TENM4: variants seen among roughly 807,000 people sequenced by gnomAD.
TENM4 encodes teneurin-4.
A neutral mutation model predicts 243.3 loss-of-function variants in TENM4; 82 were observed. The ratio of observed to expected loss-of-function variants is 0.34; its 90% CI spans 0.28 to 0.40. The LOEUF (loss-of-function observed/expected upper bound fraction) is 0.40, where lower values mean the gene tolerates loss of function less well. TENM4 is among the 10% of genes least tolerant of loss of function. The probability of loss-of-function intolerance (pLI) is 1.00; values close to 1 mark genes in which losing one functional copy is unlikely to be tolerated. For synonymous variants in TENM4, 1,412 were observed against 1,456.3 expected (o/e 0.97, Z 0.69); for missense variants, 3,138 against 3,673.3 (o/e 0.85, Z 3.77).
intron 28 of TENM4, 101 bp downstream of exon 28, chr11:78,701,424 TC>T: frequency 7.3e-7 from 1 of 1,378,796 alleles, no homozygotes; most frequent in Non-Finnish European, 9.7e-7. Context: ...ATAGTTTTTA[TC>T]CCAAATCCTG....
At chr11:79,419,180 G>A (rs548500446) in intron 1 of TENM4, among the ~76,000 whole-genome samples, 4 of 152,228 alleles carry the variant, frequency 2.6e-5, no homozygotes, top group South Asian at 4.2e-4. Context: ...AAGCCTACCT[G>A]GCTTTTCAAA....
intron 1 of TENM4, among the ~76,000 whole-genome samples, chr11:79,319,672 G>T (rs922615291): frequency 1.3e-5 from 2 of 151,938 alleles, no homozygotes; most frequent in African/African-American, 4.8e-5. Flanking sequence ...TTATCCAGAC[G>T]ATAGCAAAGG....
intron 1 of TENM4, among the ~76,000 whole-genome samples, chr11:79,341,640 C>G (rs988245308): frequency 6.6e-6 from 1 of 152,122 alleles, no homozygotes; most frequent in Non-Finnish European, 1.5e-5. Flanking sequence ...TGTTGGGCCT[C>G]CAACAACTGT....
intron 1 of TENM4, among the ~76,000 whole-genome samples, chr11:79,397,158 G>A (rs1290701701): frequency 1.3e-5 from 2 of 152,190 alleles, no homozygotes; most frequent in African/African-American, 4.8e-5. Context: ...GAGCTAAGAA[G>A]GAAAAGGCCA....
At chr11:79,117,741 G>T (rs751723171) in intron 4 of TENM4, among the ~76,000 whole-genome samples, 33 of 152,168 alleles carry the variant, frequency 2.2e-4, no homozygotes, top group Non-Finnish European at 4.1e-4. Flanking sequence ...GCTCTTCCTT[G>T]TCTTAGTTTT....
chr11:78,735,764 G>A (rs1011485190), intron 20 of TENM4, among the ~76,000 whole-genome samples: 2 of 152,080 alleles, frequency 1.3e-5, no homozygotes, highest in African/African-American at 4.8e-5. Flanking sequence ...CATTTGGCAG[G>A]GTTATTGATT....
intron 19 of TENM4, among the ~76,000 whole-genome samples, chr11:78,740,472 G>A (rs140139134): frequency 2.6e-5 from 4 of 152,122 alleles, no homozygotes; most frequent in African/African-American, 4.8e-5. Context: ...CAAGTTAAGC[G>A]GGTGAGGCTC....
chr11:78,818,285 T>C (rs1003355924), intron 12 of TENM4, among the ~76,000 whole-genome samples: 3 of 152,238 alleles, frequency 2.0e-5, no homozygotes, highest in Non-Finnish European at 4.4e-5. Flanking sequence ...TATACTTTGT[T>C]AGATTCTGAT....
At chr11:78,874,213 CACTT>C (rs1227869559) in intron 9 of TENM4, among the ~76,000 whole-genome samples, 2 of 152,092 alleles carry the variant, frequency 1.3e-5, no homozygotes, top group Non-Finnish European at 2.9e-5. Flanking sequence ...ACAGGGAAGT[CACTT>C]AACCAACCTG....
intron 1 of TENM4, among the ~76,000 whole-genome samples, chr11:79,298,547 A>T (rs1856497045): frequency 6.6e-6 from 1 of 150,786 alleles, no homozygotes; most frequent in Non-Finnish European, 1.5e-5. Flanking sequence ...AAAAAAAAAA[A>T]AGAAAAACAG....
intron 30 of TENM4, among the ~76,000 whole-genome samples, chr11:78,675,414 G>A (rs1273470357): frequency 3.3e-5 from 5 of 152,164 alleles, no homozygotes; most frequent in South Asian, 2.1e-4. Flanking sequence ...GGTGTGCAAG[G>A]TGCTGTGCTG....
intron 6 of TENM4, among the ~76,000 whole-genome samples, chr11:78,918,049 C>T (rs1239280064): frequency 3.4e-4 from 51 of 152,182 alleles, no homozygotes; most frequent in Admixed American, 3.3e-3. Context: ...TGTGTTCATG[C>T]TCCATGGCAA....
intron 9 of TENM4, among the ~76,000 whole-genome samples, chr11:78,863,964 T>C (rs1454851269): frequency 6.6e-6 from 1 of 152,186 alleles, no homozygotes; most frequent in Non-Finnish European, 1.5e-5. Flanking sequence ...GAAAATGAAG[T>C]AATATCCACA....
At chr11:78,895,629 C>T (rs1855774905) in intron 7 of TENM4, among the ~76,000 whole-genome samples, 1 of 152,276 alleles carries the variant, frequency 6.6e-6, no homozygotes, top group Non-Finnish European at 1.5e-5. Context: ...TTGATGGGGA[C>T]CCTAAGCTGC....
intron 3 of TENM4, among the ~76,000 whole-genome samples, chr11:79,163,413 T>A (rs982477518): frequency 6.6e-6 from 1 of 152,050 alleles, no homozygotes; most frequent in Non-Finnish European, 1.5e-5. Flanking sequence ...ACTTTTTTTT[T>A]AATAGTTTTT....
intron 4 of TENM4, among the ~76,000 whole-genome samples, chr11:79,098,837 G>T (rs994039407): frequency 1.2e-4 from 18 of 152,264 alleles, no homozygotes; most frequent in Non-Finnish European, 1.6e-4. Context: ...AAGGAACGTG[G>T]TATTGCAGCT....
At chr11:79,418,392 A>C (rs1858862547) in intron 1 of TENM4, among the ~76,000 whole-genome samples, 1 of 152,208 alleles carries the variant, frequency 6.6e-6, no homozygotes, top group Non-Finnish European at 1.5e-5. Context: ...GCAGGACATG[A>C]AAACAACAAG....
At chr11:78,832,104 C>A (rs568996) in intron 12 of TENM4, among the ~76,000 whole-genome samples, 456 of 152,310 alleles carry the variant, frequency 3.0e-3, no homozygotes, top group Non-Finnish European at 5.3e-3. Context: ...AGGATGGGAA[C>A]CCCGCTCTCA....
intron 17 of TENM4, among the ~76,000 whole-genome samples, chr11:78,772,468 G>A (rs748192516): frequency 1.3e-5 from 2 of 152,178 alleles, no homozygotes; most frequent in Non-Finnish European, 2.9e-5. Context: ...CACTGTGTCA[G>A]CTATAAAGCT....
Sources: gnomAD v4.1 joint callset for allele counts (sites outside exome capture counted in the v4.1 genomes callset) on GRCh38, gnomAD v4.1.1 for gene constraint, MANE v1.5 for transcripts, NCBI Gene and HGNC (gene_info 2026-07-23, HGNC 2026-07-21) for gene names.